Variants in XPR1 observed in about 807,000 individuals in gnomAD.
XPR1 encodes the protein xenotropic and polytropic retrovirus receptor 1, also known as solute carrier family 53 member 1.
A neutral mutation model predicts 87.5 loss-of-function variants in XPR1; 28 were observed. The observed-to-expected ratio is 0.32, with a 90% CI of 0.24 to 0.44. XPR1 has a LOEUF of 0.44. Ranked by LOEUF, XPR1 falls within the 20% of genes least tolerant of loss-of-function variation. The pLI is 1.00. For missense variants in XPR1, 559 were observed against 862.3 expected, an observed-to-expected ratio of 0.65 and a Z score of 4.41; for synonymous variants, 300 against 306.1, an observed-to-expected ratio of 0.98 and a Z score of 0.21.
chr1:180,684,420 G>A (rs568851438), intron 2 of XPR1, among the ~76,000 whole-genome samples: 28 of 152,246 alleles, frequency 1.8e-4, no homozygotes, highest in African/African-American at 3.9e-4. Flanking sequence ...GTCAGGTAGC[G>A]TGATGCCTCC....
At chr1:180,718,930 G>A (rs1040304235) in intron 2 of XPR1, among the ~76,000 whole-genome samples, 2 of 152,134 alleles carry the variant, frequency 1.3e-5, no homozygotes, top group African/African-American at 4.8e-5. Flanking sequence ...GCCTCCCAAA[G>A]TGCTGGGATT....
intron 2 of XPR1, among the ~76,000 whole-genome samples, chr1:180,730,302 A>G (rs552642664): frequency 5.3e-4 from 80 of 152,256 alleles, no homozygotes; most frequent in African/African-American, 1.8e-3. Flanking sequence ...CTCATTGTAT[A>G]GTTTGAAGTT....
chr1:180,760,043 G>A (rs371145022), intron 2 of XPR1, among the ~76,000 whole-genome samples: 4 of 152,226 alleles, frequency 2.6e-5, no homozygotes, highest in East Asian at 1.9e-4. Context: ...TGCAGAAAAG[G>A]CCTTTGACAA....
chr1:180,749,664 C>T (rs1647444595), intron 2 of XPR1, among the ~76,000 whole-genome samples: 1 of 151,914 alleles, frequency 6.6e-6, no homozygotes, highest in African/African-American at 2.4e-5. Context: ...CACACACACA[C>T]ACACACACAC....
chr1:180,843,271 GT>G (rs1310037402), intron 11 of XPR1, among the ~76,000 whole-genome samples: 2 of 145,554 alleles, frequency 1.4e-5, no homozygotes, highest in African/African-American at 2.5e-5. Flanking sequence ...GGAAATTTTT[GT>G]TTCATTAACT....
intron 2 of XPR1, among the ~76,000 whole-genome samples, chr1:180,780,895 T>G (rs1648911905): frequency 6.6e-6 from 1 of 152,120 alleles, no homozygotes; most frequent in African/African-American, 2.4e-5. Flanking sequence ...TTTACTTTTT[T>G]GATAGTGCCC....
intron 2 of XPR1, among the ~76,000 whole-genome samples, chr1:180,698,724 C>A (rs1044353222): frequency 1.3e-5 from 2 of 151,920 alleles, no homozygotes; most frequent in African/African-American, 4.8e-5. Context: ...TCAGTTTTTG[C>A]ACATTTGGAA....
At chr1:180,729,279 T>G (rs1427800542) in intron 2 of XPR1, among the ~76,000 whole-genome samples, 1 of 152,242 alleles carries the variant, frequency 6.6e-6, no homozygotes, top group Non-Finnish European at 1.5e-5. Context: ...TCTTCGCTGT[T>G]GTGAATAGTA....
intron 1 of XPR1, among the ~76,000 whole-genome samples, chr1:180,664,705 A>G (rs1466406302): frequency 1.3e-5 from 2 of 152,204 alleles, no homozygotes; most frequent in African/African-American, 4.8e-5. Context: ...CTAGCACAGC[A>G]CAGGGTCCTG....
At chr1:180,708,206 A>G (rs1175777589) in intron 2 of XPR1, among the ~76,000 whole-genome samples, 1 of 152,236 alleles carries the variant, frequency 6.6e-6, no homozygotes, top group African/African-American at 2.4e-5. Flanking sequence ...GGATGTAATC[A>G]GTAGCCAGTG....
chr1:180,694,773 G>GCACACACACACACACA (rs56118040), intron 2 of XPR1, among the ~76,000 whole-genome samples: 1 of 149,512 alleles, frequency 6.7e-6, no homozygotes, highest in African/African-American at 2.5e-5. Context: ...ATTGTTGTGT[G>GCACACACACACACACA]CACACACACA....
chr1:180,710,456 G>A (rs936596428), intron 2 of XPR1, among the ~76,000 whole-genome samples: 12 of 152,070 alleles, frequency 7.9e-5, no homozygotes, highest in South Asian at 2.1e-4. Context: ...ATATTGCGCC[G>A]CCCTTAATCC....
chr1:180,762,093 G>A (rs1048853886), intron 2 of XPR1, among the ~76,000 whole-genome samples: 2 of 146,986 alleles, frequency 1.4e-5, no homozygotes, highest in East Asian at 2.1e-4. Context: ...GACACAGGAA[G>A]GGGATCATCA....
At chr1:180,669,869 G>A (rs901702419) in intron 1 of XPR1, among the ~76,000 whole-genome samples, 15 of 151,964 alleles carry the variant, frequency 9.9e-5, no homozygotes, top group Non-Finnish European at 1.5e-4. Context: ...ACAATATACC[G>A]TGATAAAAGT....
At chr1:180,707,052 ATATT>A (rs1657584152) in intron 2 of XPR1, among the ~76,000 whole-genome samples, 1 of 152,230 alleles carries the variant, frequency 6.6e-6, no homozygotes, top group Non-Finnish European at 1.5e-5. Context: ...TAAAAAAGAA[ATATT>A]TACTTGTATT....
At chr1:180,875,685 C>G (rs1007550837) in intron 13 of XPR1, among the ~76,000 whole-genome samples, 1 of 151,176 alleles carries the variant, frequency 6.6e-6, no homozygotes, top group Admixed American at 6.6e-5. Flanking sequence ...ACAGCAAATC[C>G]CAAAAGAAAG....
chr1:180,865,943 G>C (rs1652375343), intron 12 of XPR1, among the ~76,000 whole-genome samples: 1 of 152,104 alleles, frequency 6.6e-6, no homozygotes, highest in African/African-American at 2.4e-5. Flanking sequence ...CAGACGTGGT[G>C]GCTCACACCT....
intron 2 of XPR1, among the ~76,000 whole-genome samples, chr1:180,779,467 A>T (rs1241491883): frequency 1.3e-5 from 2 of 152,186 alleles, no homozygotes; most frequent in African/African-American, 4.8e-5. Flanking sequence ...AAAGTGTATA[A>T]TTCAAGGCTG....
chr1:180,726,853 A>G (rs1571770875), intron 2 of XPR1, among the ~76,000 whole-genome samples: 1 of 151,912 alleles, frequency 6.6e-6, no homozygotes, highest in Non-Finnish European at 1.5e-5. Flanking sequence ...TGATAGGTGA[A>G]TATTTTTAAA....
Sources: gnomAD v4.1 joint callset for allele counts (sites outside exome capture counted in the v4.1 genomes callset) on GRCh38, gnomAD v4.1.1 for gene constraint, MANE v1.5 for transcripts, NCBI Gene and HGNC (gene_info 2026-07-23, HGNC 2026-07-21) for gene names.